EGFLAM: variants seen among roughly 807,000 people sequenced by gnomAD.
The protein encoded by EGFLAM is pikachurin.
In EGFLAM, 79 loss-of-function variants were observed where a neutral mutation model predicts 113.1. The observed-to-expected ratio is 0.70, with a 90% CI of 0.58 to 0.84. The LOEUF is 0.84. Ranked by LOEUF, EGFLAM falls within the 40% of genes least tolerant of loss-of-function variation. The probability of loss-of-function intolerance (pLI) is 0.00; values close to 1 mark genes in which losing one functional copy is unlikely to be tolerated. For synonymous variants in EGFLAM, 504 were observed against 487.6 expected (o/e 1.03, Z -0.44); for missense variants, 1,265 against 1,291.6 (o/e 0.98, Z 0.32).
rs911483156 is a variant in EGFLAM at position 38,392,056 on chromosome 5, G to A, written c.713-14070G>A. Among the ~76,000 whole-genome samples, 7 of 152,068 alleles carry A rather than the reference G, an allele frequency of 4.6e-5. No individual in the cohort carries two copies. The South Asian group carries it at 8.3e-4, about 18-fold the overall frequency. Reference sequence around the variant, plus strand: ...TTGTACAGATTATTCAATCACCCAGGTATGAAGTCCAGTACCCAATAGTTA... The same window carrying A: ...TTGTACAGATTATTCAATCACCCAGATATGAAGTCCAGTACCCAATAGTTA... On this transcript the variant is annotated intron_variant, in intron 6 of 21. Transcript: ENST00000322350.
intron 1 of EGFLAM, among the ~76,000 whole-genome samples, chr5:38,265,665 C>T (rs1178659453): frequency 1.3e-5 from 2 of 152,186 alleles, no homozygotes; most frequent in African/African-American, 4.8e-5. Flanking sequence ...AGCGGGGGTA[C>T]TTTTGCTTCC....
chr5:38,264,095 T>A (rs1374480289), intron 1 of EGFLAM, among the ~76,000 whole-genome samples: 1 of 152,202 alleles, frequency 6.6e-6, no homozygotes, highest in Non-Finnish European at 1.5e-5. Context: ...TAAAGACCGG[T>A]GCTCCCAGGC....
chr5:38,291,752 G>C (rs1438191232), intron 1 of EGFLAM, among the ~76,000 whole-genome samples: 1 of 152,202 alleles, frequency 6.6e-6, no homozygotes, highest in Non-Finnish European at 1.5e-5. Context: ...GCTTTGTTTG[G>C]TTCAGGGCTA....
At chr5:38,356,156 G>T (rs889721760) in intron 5 of EGFLAM, among the ~76,000 whole-genome samples, 4 of 152,158 alleles carry the variant, frequency 2.6e-5, no homozygotes, top group Non-Finnish European at 2.9e-5. Flanking sequence ...TGTCTGGAAG[G>T]TTAGTTTCAA....
At position 38,399,277 on chromosome 5, in the gene EGFLAM, G is replaced by GTTTTTTTTTT. The variant is rs797021726; in HGVS notation, c.713-6840_713-6831dup. 2.1e-4 allele frequency among the ~76,000 whole-genome samples: 25 copies of GTTTTTTTTTT among 118,482 alleles called. No individual in the cohort carries two copies. In the South Asian group the frequency reaches 2.8e-3, roughly 13 times the overall value. The allele number at this position is 118,482 out of a possible 152,430, so 77.7% of individuals were successfully genotyped here. A position where few individuals can be genotyped will look rare whatever the true frequency, so the allele number is the denominator to read the frequency against. ...CAGGTTCTTTTTTATTTTTGTTTTCGTTTTTTTTTTTTTTTTTTGAGATGG... is the reference window on the plus strand; with the variant it reads ...CAGGTTCTTTTTTATTTTTGTTTTCGTTTTTTTTTTTTTTTTTTTTTTTTTTTTGAGATGG... On this transcript the variant is annotated intron_variant, in intron 6 of 21. Coordinates refer to ENST00000322350, the MANE Select transcript of EGFLAM (RefSeq NM_152403.4).
At chr5:38,385,995 C>A (rs1037575572) in intron 6 of EGFLAM, among the ~76,000 whole-genome samples, 4 of 152,134 alleles carry the variant, frequency 2.6e-5, no homozygotes, top group African/African-American at 9.7e-5. Context: ...CTGAATACCA[C>A]AAGCAAATGT....
chr5:38,365,694 A>C (rs1436131505), intron 5 of EGFLAM, among the ~76,000 whole-genome samples: 1 of 152,244 alleles, frequency 6.6e-6, no homozygotes, highest in Admixed American at 6.5e-5. Context: ...AAGGAGAAAC[A>C]TGAATAAGGT....
intron 6 of EGFLAM, among the ~76,000 whole-genome samples, chr5:38,402,252 A>G (rs990147800): frequency 1.2e-4 from 19 of 152,356 alleles, no homozygotes; most frequent in African/African-American, 2.4e-4. Flanking sequence ...ACCTGAAAAC[A>G]TAATTAGGAT....
At chr5:38,405,977 G>T in intron 6 of EGFLAM, 149 bp from the exon 7 acceptor site, 1 of 682,200 alleles carries the variant, frequency 1.5e-6, no homozygotes, top group Non-Finnish European at 2.6e-6. Context: ...TTTGGTCATT[G>T]ACGCTTCCTT....
chr5:38,403,399 C>G (rs1310927626), intron 6 of EGFLAM: 3 of 155,316 alleles, frequency 1.9e-5, no homozygotes, highest in Non-Finnish European at 2.9e-5. Flanking sequence ...GAACTTTCAC[C>G]TTTTAATTTA....
At chr5:38,424,610 G>C (rs1225218038) in intron 12 of EGFLAM, among the ~76,000 whole-genome samples, 1 of 152,180 alleles carries the variant, frequency 6.6e-6, no homozygotes, top group Non-Finnish European at 1.5e-5. Context: ...ACATTGGAGG[G>C]ATTGAAATAT....
intron 1 of EGFLAM, among the ~76,000 whole-genome samples, chr5:38,285,404 AGGACT>A (rs1378492790): frequency 6.6e-6 from 1 of 152,226 alleles, no homozygotes; most frequent in East Asian, 1.9e-4. Context: ...AACAGTGACC[AGGACT>A]GTCACAACGG....
chr5:38,425,191 GT>G lies in EGFLAM; in HGVS notation c.1810+104del, dbSNP rs770422468. 2.2e-4 allele frequency: 326 copies of G among 1,493,648 alleles called. 1 individual carries two copies. Among genetic ancestry groups the G allele is most frequent in the Non-Finnish European group, 2.8e-4 (310 of 1,115,564 alleles). 92.5% of individuals were successfully genotyped at this position (1,493,648 alleles called of 1,614,324 possible). A position where few individuals can be genotyped will look rare whatever the true frequency, so the allele number is the denominator to read the frequency against. On this transcript the variant is annotated intron_variant, in intron 13 of 21. Transcript: ENST00000322350. ...AGTTTCTTTGTTAATTTGTTTGTTT[GT>G]TTTTGAGACAAAGGCTCCCTCTCTT...
chr5:38,407,115 C>G lies in EGFLAM; in HGVS notation c.1116C>G (p.Thr372=), dbSNP rs765271351. 3.7e-6 allele frequency: 6 copies of G among 1,613,976 alleles called. No homozygotes were observed. Among genetic ancestry groups the G allele is most frequent in the Non-Finnish European group, 5.1e-6 (6 of 1,180,028 alleles). The part of the protein sequence containing the change: ...YTWGGSRCQC[T]LGKGGESCSE... ...GGGGGGGCTCGCGATGCCAGTGCAC[C>G]CTGGGCAAAGGTGGTGAGAGCTGCT... Residue 372 remains threonine (T), a synonymous_variant, in exon 8 of 22, where the codon ACC becomes ACG. Coordinates refer to ENST00000322350, the MANE Select transcript of EGFLAM (RefSeq NM_152403.4).
intron 20 of EGFLAM, among the ~76,000 whole-genome samples, chr5:38,459,824 G>C (rs1156424227): frequency 6.6e-6 from 1 of 151,192 alleles, no homozygotes; most frequent in Non-Finnish European, 1.5e-5. Context: ...TGAAACCCTA[G>C]AGGAAATGGG....
intron 21 of EGFLAM, among the ~76,000 whole-genome samples, chr5:38,463,421 T>A (rs1743357559): frequency 1.3e-5 from 2 of 152,222 alleles, no homozygotes. Context: ...TTTATCTATA[T>A]GATATTTTCT....
At chr5:38,263,312 A>C (rs973141627) in intron 1 of EGFLAM, among the ~76,000 whole-genome samples, 2 of 152,064 alleles carry the variant, frequency 1.3e-5, no homozygotes, top group African/African-American at 4.8e-5. Flanking sequence ...AAATACAAAA[A>C]TTAGCCGGGC....
At chr5:38,376,940 G>A (rs1302642278) in intron 6 of EGFLAM, among the ~76,000 whole-genome samples, 3 of 152,170 alleles carry the variant, frequency 2.0e-5, no homozygotes, top group Non-Finnish European at 4.4e-5. Context: ...AAAGTGCTGG[G>A]ATTACAGTCC....
chr5:38,446,696 A>G (rs1004990817), intron 17 of EGFLAM, among the ~76,000 whole-genome samples: 3 of 151,984 alleles, frequency 2.0e-5, no homozygotes, highest in African/African-American at 7.3e-5. Flanking sequence ...TACCTCCAAA[A>G]TTGTCTTTTA....
Sources: allele counts gnomAD v4.1 joint callset (sites outside exome capture counted in the v4.1 genomes callset), GRCh38; gene constraint gnomAD v4.1.1; transcripts MANE v1.5; gene names NCBI Gene and HGNC (gene_info 2026-07-23, HGNC 2026-07-21).